The following GPR39 variants were observed in gnomAD, a reference collection of about 807,000 sequenced individuals.
GPR39 encodes the protein zinc sensing receptor.
A neutral mutation model predicts 18.4 loss-of-function variants in GPR39; 23 were observed. The ratio of observed to expected loss-of-function variants is 1.25; its 90% CI spans 0.90 to 1.77. The LOEUF is 1.77. Ranked by LOEUF, GPR39 falls within the 40% of genes most tolerant of loss-of-function variation. The pLI is 0.00. For missense variants in GPR39, 647 were observed against 602.4 expected (o/e 1.07, Z -0.78); for synonymous variants, 280 against 257.9 (o/e 1.09, Z -0.82).
intron 1 of GPR39, among the ~76,000 whole-genome samples, chr2:132,470,195 A>G (rs995305890): frequency 5.3e-5 from 8 of 152,208 alleles, no homozygotes; most frequent in Non-Finnish European, 1.0e-4. Flanking sequence ...GCCCCATAAC[A>G]TCCTTCCAGT....
At chr2:132,436,971 G>T (rs1448614959) in intron 1 of GPR39, among the ~76,000 whole-genome samples, 1 of 152,086 alleles carries the variant, frequency 6.6e-6, no homozygotes, top group African/African-American at 2.4e-5. Context: ...GGCCCTATGA[G>T]GCAGGTGCAG....
chr2:132,528,681 G>GTTC (rs1413133263), intron 1 of GPR39, among the ~76,000 whole-genome samples: 3 of 152,058 alleles, frequency 2.0e-5, no homozygotes, highest in Non-Finnish European at 4.4e-5. Flanking sequence ...TAGGTATTCT[G>GTTC]TTCTCTTTGT....
chr2:132,514,519 G>T (rs759336269), intron 1 of GPR39, among the ~76,000 whole-genome samples: 2 of 152,074 alleles, frequency 1.3e-5, no homozygotes, highest in African/African-American at 2.4e-5. Flanking sequence ...CAGATCATTG[G>T]TACCTGCCTG....
In GPR39 at chr2:132,645,737, T is replaced by C. The variant is rs1355853234; in HGVS notation, c.*131T>C. On this transcript the variant is annotated 3_prime_UTR_variant, in exon 2 of 2. Coordinates refer to ENST00000329321, the MANE Select transcript of GPR39 (RefSeq NM_001508.3). ...CACTGGAGGCTTTACAAAAGGCAGA[T>C]GCCCACCTCAGTGACTTCTAAGGAC... 7.8e-7 allele frequency: 1 copy of C among 1,279,684 alleles called. No individual in the cohort carries two copies. The highest frequency in any genetic ancestry group is 1.1e-6 in the Non-Finnish European group (1 of 942,708). The allele number at this position is 1,279,684 out of a possible 1,614,324, so 79.3% of individuals were successfully genotyped here.
chr2:132,532,774 G>A (rs1374482235), intron 1 of GPR39, among the ~76,000 whole-genome samples: 4 of 151,586 alleles, frequency 2.6e-5, no homozygotes, highest in African/African-American at 9.7e-5. Flanking sequence ...ATGCAGAAAA[G>A]GCCTTTGACA....
At chr2:132,481,032 C>T (rs927432288) in intron 1 of GPR39, among the ~76,000 whole-genome samples, 6 of 152,246 alleles carry the variant, frequency 3.9e-5, no homozygotes, top group Non-Finnish European at 2.9e-5. Flanking sequence ...AGCTATGAGG[C>T]TTTCTTTACT....
In GPR39 at chr2:132,465,006, G is replaced by A. The variant is rs572336941; in HGVS notation, c.856+47108G>A. On this transcript the variant is annotated intron_variant, in intron 1 of 1. Coordinates refer to ENST00000329321, the MANE Select transcript of GPR39 (RefSeq NM_001508.3). ...AGAGGTCCTAGCAGGCCTGGTGGCT[G>A]TAAGCCAATGTTTCAAAATGATGAT... is the stretch of plus-strand genomic sequence containing the variant. Among the ~76,000 whole-genome samples the A allele has an allele frequency of 9.2e-5, 14 of 152,316 alleles. No individual in the cohort carries two copies. The East Asian group carries it at 1.5e-3, about 17-fold the overall frequency.
At chr2:132,605,679 G>T (rs979466831) in intron 1 of GPR39, among the ~76,000 whole-genome samples, 3 of 152,146 alleles carry the variant, frequency 2.0e-5, no homozygotes, top group African/African-American at 7.2e-5. Flanking sequence ...GAGGACGGAT[G>T]CTATTTGGCA....
intron 1 of GPR39, among the ~76,000 whole-genome samples, chr2:132,502,811 C>T (rs1266209073): frequency 1.3e-5 from 2 of 152,140 alleles, no homozygotes; most frequent in Non-Finnish European, 2.9e-5. Context: ...ATTCAAAAGC[C>T]TTGTCTTCGA....
chr2:132,558,151 T>C (rs1361879067), intron 1 of GPR39, among the ~76,000 whole-genome samples: 2 of 152,206 alleles, frequency 1.3e-5, no homozygotes, highest in Non-Finnish European at 2.9e-5. Flanking sequence ...GTAGGCAGAA[T>C]GTGACCCCTA....
At position 132,417,316 on chromosome 2, in the gene GPR39, T is replaced by C. The variant is rs781155200; in HGVS notation, c.274T>C (p.Tyr92His). 1.2e-6 allele frequency: 2 copies of C among 1,614,170 alleles called. No homozygotes were observed. The highest frequency in any genetic ancestry group is 1.1e-5 in the South Asian group (1 of 91,080). The change falls in exon 1 of 2, where the codon TAC (tyrosine) becomes CAC (histidine). Residue 92 changes from tyrosine to histidine, a missense_variant. This residue lies in a region of GPR39 where 581 missense variants were observed against 506.8 expected (regional missense o/e 1.15). Transcript: ENST00000329321. ...VFLIGMPMEF[Y>H]SIIWNPLTTS... ...CCTCATCGGCATGCCCATGGAGTTC[T>C]ACAGCATCATCTGGAATCCCCTGAC...
intron 1 of GPR39, among the ~76,000 whole-genome samples, chr2:132,600,439 T>G (rs1681020042): frequency 6.6e-6 from 1 of 151,800 alleles, no homozygotes; most frequent in Admixed American, 6.6e-5. Context: ...ATACAAACAA[T>G]GAATGAAACA....
At chr2:132,508,788 G>T (rs1248088995) in intron 1 of GPR39, among the ~76,000 whole-genome samples, 2 of 152,182 alleles carry the variant, frequency 1.3e-5, no homozygotes, top group African/African-American at 4.8e-5. Context: ...TTCACAGACA[G>T]AGACATTGGT....
At chr2:132,509,102 G>A (rs1413852155) in intron 1 of GPR39, among the ~76,000 whole-genome samples, 1 of 152,146 alleles carries the variant, frequency 6.6e-6, no homozygotes, top group African/African-American at 2.4e-5. Context: ...AGTGTTTCTG[G>A]AAGCTTTACT....
intron 1 of GPR39, among the ~76,000 whole-genome samples, chr2:132,503,459 G>A (rs1055696154): frequency 1.3e-5 from 2 of 152,210 alleles, no homozygotes; most frequent in Non-Finnish European, 2.9e-5. Flanking sequence ...ACCAGCACCT[G>A]CTTTGATGGA....
chr2:132,633,681 A>C (rs1681693405), intron 1 of GPR39, among the ~76,000 whole-genome samples: 1 of 151,924 alleles, frequency 6.6e-6, no homozygotes, highest in African/African-American at 2.4e-5. Context: ...GGAGGAGGTG[A>C]TGAGATAATG....
chr2:132,504,456 C>T (rs1679099891), intron 1 of GPR39, among the ~76,000 whole-genome samples: 3 of 152,152 alleles, frequency 2.0e-5, no homozygotes, highest in African/African-American at 7.2e-5. Context: ...TAGTGACTGC[C>T]TGTCGTTGGG....
chr2:132,511,360 A>G (rs936728941), intron 1 of GPR39, among the ~76,000 whole-genome samples: 1 of 152,236 alleles, frequency 6.6e-6, no homozygotes, highest in African/African-American at 2.4e-5. Flanking sequence ...CTGACTACAT[A>G]TTATGAATAT....
chr2:132,569,650 G>T (rs575212932), intron 1 of GPR39, among the ~76,000 whole-genome samples: 2 of 151,872 alleles, frequency 1.3e-5, no homozygotes, highest in Non-Finnish European at 2.9e-5. Flanking sequence ...GGGTCCCATC[G>T]TTCCCTAGAG....
Sources: allele counts gnomAD v4.1 joint callset (sites outside exome capture counted in the v4.1 genomes callset), GRCh38; gene constraint gnomAD v4.1.1; regional missense constraint gnomAD v4.1.1; transcripts MANE v1.5; gene names NCBI Gene and HGNC (gene_info 2026-07-23, HGNC 2026-07-21).